MPPED2: variants seen among roughly 807,000 people sequenced by gnomAD.
MPPED2 encodes metallophosphoesterase domain containing 2.
A neutral mutation model predicts 33.0 loss-of-function variants in MPPED2; 5 were observed. That is an observed-to-expected ratio of 0.15 (90% CI 0.08 to 0.32). MPPED2 has a LOEUF of 0.32. Ranked by LOEUF, MPPED2 falls within the 10% of genes least tolerant of loss-of-function variation. The pLI, the probability that MPPED2 is intolerant of heterozygous loss-of-function variation, is 1.00. For synonymous variants in MPPED2, 136 were observed against 141.9 expected, an observed-to-expected ratio of 0.96 and a Z score of 0.29; for missense variants, 275 against 372.1, an observed-to-expected ratio of 0.74 and a Z score of 2.15.
At chr11:30,557,820 A>G (rs1419847995) in intron 2 of MPPED2, among the ~76,000 whole-genome samples, 4 of 152,224 alleles carry the variant, frequency 2.6e-5, no homozygotes, top group African/African-American at 9.6e-5. Context: ...GGCAATGACC[A>G]TGAGGGATCC....
intron 2 of MPPED2, among the ~76,000 whole-genome samples, chr11:30,578,420 C>G (rs1056569186): frequency 2.6e-5 from 4 of 152,140 alleles, no homozygotes; most frequent in African/African-American, 7.2e-5. Flanking sequence ...TAGGTTGCCC[C>G]ATTTTCAAGC....
chr11:30,500,898 G>A (rs1006730596), intron 3 of MPPED2, among the ~76,000 whole-genome samples: 19 of 152,116 alleles, frequency 1.2e-4, no homozygotes, highest in African/African-American at 3.1e-4. Context: ...CCAGGAACTC[G>A]GGTTGTCATC....
chr11:30,405,246 C>A (rs1490688664), downstream of MPPED2, among the ~76,000 whole-genome samples: 1 of 152,168 alleles, frequency 6.6e-6, no homozygotes, highest in Non-Finnish European at 1.5e-5. Context: ...AAAAGCTCAA[C>A]CTATTCCCAA....
chr11:30,495,006 T>A, intron 4 of MPPED2: 1 of 342,846 alleles, frequency 2.9e-6, no homozygotes, highest in Non-Finnish European at 5.3e-6. Flanking sequence ...ATGATGGAAT[T>A]TTATCAGTGG....
chr11:30,413,878 A>G (rs1181687403), intron 6 of MPPED2, among the ~76,000 whole-genome samples: 1 of 152,028 alleles, frequency 6.6e-6, no homozygotes, highest in Non-Finnish European at 1.5e-5. Flanking sequence ...ATTTCTTCTA[A>G]CTCTCTTAAG....
intron 4 of MPPED2, among the ~76,000 whole-genome samples, chr11:30,447,787 A>G (rs1949876376): frequency 6.6e-6 from 1 of 152,116 alleles, no homozygotes. Context: ...CTTTACTTCA[A>G]TCAACCGGTA....
At chr11:30,572,616 A>G (rs1213408499) in intron 2 of MPPED2, among the ~76,000 whole-genome samples, 1 of 152,158 alleles carries the variant, frequency 6.6e-6, no homozygotes, top group East Asian at 1.9e-4. Flanking sequence ...CCAAGAAAGA[A>G]GTGTATGTTT....
intron 2 of MPPED2, among the ~76,000 whole-genome samples, chr11:30,579,289 T>C (rs1343896826): frequency 6.6e-6 from 1 of 151,898 alleles, no homozygotes; most frequent in Non-Finnish European, 1.5e-5. Context: ...ATGCCCCGAG[T>C]TCAATTCTTC....
intron 6 of MPPED2, among the ~76,000 whole-genome samples, chr11:30,413,779 T>C (rs1298595918): frequency 6.6e-6 from 1 of 152,234 alleles, no homozygotes; most frequent in African/African-American, 2.4e-5. Flanking sequence ...CTTGTCTTCC[T>C]GGGTCTTTGT....
chr11:30,393,112 T>C (rs889085355), intron 6 of MPPED2, among the ~76,000 whole-genome samples: 13 of 152,090 alleles, frequency 8.5e-5, no homozygotes, highest in Non-Finnish European at 1.9e-4. Context: ...CGACAGTTGT[T>C]TCTCTTTCTC....
At chr11:30,566,037 G>A (rs1279595150) in intron 2 of MPPED2, among the ~76,000 whole-genome samples, 2 of 151,920 alleles carry the variant, frequency 1.3e-5, no homozygotes, top group Non-Finnish European at 2.9e-5. Context: ...ATGTAGAGTT[G>A]TTAAACATCA....
rs540242608 is a variant in MPPED2, at chr11:30,411,267, A to G, written c.*201T>C. On this transcript the variant is annotated 3_prime_UTR_variant, in exon 7 of 7. Transcript: ENST00000358117. ...AAAACAGAAGTCATTTTACAAATTC[A>G]CAATGTTCCTCTGATTTCAAATGGA... The G allele has an allele frequency of 1.6e-6, 2 of 1,214,488 alleles. No individual in the cohort carries two copies. Among genetic ancestry groups the G allele is most frequent in the Non-Finnish European group, 2.1e-6 (2 of 972,120 alleles). 75.2% of individuals were successfully genotyped at this position (1,214,488 alleles called of 1,614,324 possible). A position where few individuals can be genotyped will look rare whatever the true frequency, so the allele number is the denominator to read the frequency against.
chr11:30,544,663 T>C (rs916744894), intron 2 of MPPED2, among the ~76,000 whole-genome samples: 2 of 152,220 alleles, frequency 1.3e-5, no homozygotes, highest in African/African-American at 4.8e-5. Context: ...AGATGGTCCA[T>C]GTGATATGTA....
intron 3 of MPPED2, among the ~76,000 whole-genome samples, chr11:30,498,475 G>A (rs181727743): frequency 1.5e-4 from 23 of 151,512 alleles, no homozygotes; most frequent in Non-Finnish European, 2.5e-4. Context: ...TTGAACCCCG[G>A]AGGTGCAGGT....
intron 2 of MPPED2, among the ~76,000 whole-genome samples, chr11:30,575,482 G>A (rs1017783556): frequency 2.0e-5 from 3 of 152,102 alleles, no homozygotes; most frequent in Admixed American, 6.5e-5. Flanking sequence ...ACCCAGCCAC[G>A]CCAGTAACTG....
At chr11:30,387,925 CGAT>C (rs1212372181) in exon 7 of MPPED2, 1 of 152,218 alleles carries the variant, frequency 6.6e-6, no homozygotes, top group African/African-American at 2.4e-5. Flanking sequence ...AGATGCCTGA[CGAT>C]GATGCTGGCT....
At chr11:30,423,493 C>A (rs1272517928) in intron 4 of MPPED2, among the ~76,000 whole-genome samples, 3 of 152,186 alleles carry the variant, frequency 2.0e-5, no homozygotes, top group Non-Finnish European at 4.4e-5. Context: ...AGCACCCAGA[C>A]TTTAGGAGCT....
exon 7 of MPPED2, chr11:30,385,495 AAC>A (rs1947692039): frequency 6.6e-6 from 1 of 152,072 alleles, no homozygotes; most frequent in Admixed American, 6.6e-5. Context: ...ACTGTTACTG[AAC>A]ACAGTCGCCA....
At chr11:30,578,010 ATAGG>A (rs1461072786) in intron 2 of MPPED2, among the ~76,000 whole-genome samples, 2 of 152,226 alleles carry the variant, frequency 1.3e-5, no homozygotes, top group Admixed American at 1.3e-4. Context: ...AGATAGGTAG[ATAGG>A]TAGGTAGGTA....
Sources: gnomAD v4.1 joint callset for allele counts (sites outside exome capture counted in the v4.1 genomes callset) on GRCh38, gnomAD v4.1.1 for gene constraint, MANE v1.5 for transcripts, NCBI Gene and HGNC (gene_info 2026-07-23, HGNC 2026-07-21) for gene names.